Variants in ADAMTS19 observed in about 807,000 individuals in gnomAD.
ADAMTS19 encodes A disintegrin and metalloproteinase with thrombospondin motifs 19.
A neutral mutation model predicts 153.3 loss-of-function variants in ADAMTS19; 93 were observed. That is an observed-to-expected ratio of 0.61 (90% CI 0.51 to 0.72). The LOEUF (loss-of-function observed/expected upper bound fraction) is 0.72, where lower values mean the gene tolerates loss of function less well. ADAMTS19 is among the 30% of genes least tolerant of loss of function. The probability of loss-of-function intolerance (pLI) is 0.00; values close to 1 mark genes in which losing one functional copy is unlikely to be tolerated. For missense variants in ADAMTS19, 1,482 were observed against 1,552.1 expected (o/e 0.95, Z 0.76); for synonymous variants, 600 against 556.6 (o/e 1.08, Z -1.10).
At chr5:129,533,378 T>C (rs183904843) in intron 6 of ADAMTS19, among the ~76,000 whole-genome samples, 3 of 152,328 alleles carry the variant, frequency 2.0e-5, no homozygotes, top group Admixed American at 6.5e-5. Context: ...AGTTTTACCA[T>C]AATAAAGTTG....
intron 7 of ADAMTS19, among the ~76,000 whole-genome samples, chr5:129,578,905 T>C (rs1390975365): frequency 2.0e-5 from 3 of 152,180 alleles, no homozygotes; most frequent in Admixed American, 6.5e-5. Flanking sequence ...TATACATACG[T>C]GTGCATGTGT....
At chr5:129,465,306 GTTTT>G (rs61242834) in intron 2 of ADAMTS19, among the ~76,000 whole-genome samples, 1 of 126,008 alleles carries the variant, frequency 7.9e-6, no homozygotes, top group Admixed American at 8.2e-5. Context: ...TTAACACAAT[GTTTT>G]TTTTTTTTTT....
intron 2 of ADAMTS19, among the ~76,000 whole-genome samples, chr5:129,501,533 G>T (rs1338192327): frequency 2.6e-5 from 4 of 152,072 alleles, no homozygotes; most frequent in African/African-American, 9.7e-5. Flanking sequence ...TTTTAAAGAT[G>T]AGGATTTTTT....
intron 8 of ADAMTS19, among the ~76,000 whole-genome samples, chr5:129,614,864 A>G (rs2126963875): frequency 6.6e-6 from 1 of 152,284 alleles, no homozygotes; most frequent in South Asian, 2.1e-4. Flanking sequence ...CAATGTGCAA[A>G]AATCACAAGC....
At chr5:129,719,079 G>GT (rs1048826612) in intron 21 of ADAMTS19, among the ~76,000 whole-genome samples, 32 of 150,922 alleles carry the variant, frequency 2.1e-4, no homozygotes, top group South Asian at 1.3e-3. Flanking sequence ...GCACTGAAAT[G>GT]TTTTTTTTTC....
At chr5:129,509,470 A>G (rs928820618) in intron 3 of ADAMTS19, among the ~76,000 whole-genome samples, 1 of 152,016 alleles carries the variant, frequency 6.6e-6, no homozygotes, top group African/African-American at 2.4e-5. Flanking sequence ...TGAACATATA[A>G]TATATCCTAT....
intron 21 of ADAMTS19, among the ~76,000 whole-genome samples, chr5:129,724,410 A>G (rs1757123442): frequency 6.6e-6 from 1 of 152,104 alleles, no homozygotes; most frequent in Non-Finnish European, 1.5e-5. Context: ...GGTGTGTTCT[A>G]TTGTTACCAG....
At chr5:129,468,733 T>A (rs1424476088) in intron 2 of ADAMTS19, among the ~76,000 whole-genome samples, 2 of 152,152 alleles carry the variant, frequency 1.3e-5, no homozygotes, top group African/African-American at 4.8e-5. Context: ...TATTTTTTAT[T>A]CTCATTTCCT....
At chr5:129,522,299 G>GTATATATATA (rs1182437821) in intron 3 of ADAMTS19, among the ~76,000 whole-genome samples, 11 of 97,698 alleles carry the variant, frequency 1.1e-4, no homozygotes, top group South Asian at 9.7e-4. Context: ...GTGTGTGTGT[G>GTATATATATA]TATATATATA....
intron 18 of ADAMTS19, among the ~76,000 whole-genome samples, chr5:129,692,318 G>A (rs1017285445): frequency 6.6e-6 from 1 of 151,750 alleles, no homozygotes; most frequent in East Asian, 1.9e-4. Flanking sequence ...ATCTTACCTC[G>A]TGATGCCTGT....
At chr5:129,625,510 C>G (rs1248024268) in intron 10 of ADAMTS19, among the ~76,000 whole-genome samples, 1 of 152,140 alleles carries the variant, frequency 6.6e-6, no homozygotes, top group East Asian at 1.9e-4. Context: ...TGTTTCCTTA[C>G]TTTTTAATGA....
chr5:129,687,447 A>G (rs1003957997), intron 18 of ADAMTS19, among the ~76,000 whole-genome samples: 3 of 152,196 alleles, frequency 2.0e-5, no homozygotes, highest in Non-Finnish European at 2.9e-5. Context: ...TCAGTCTTCA[A>G]TTTTAAAAAG....
At chr5:129,708,590 C>CAAAAGA (rs1756279953) in intron 21 of ADAMTS19, among the ~76,000 whole-genome samples, 1 of 61,820 alleles carries the variant, frequency 1.6e-5, no homozygotes, top group African/African-American at 6.1e-5. Flanking sequence ...AGCAGAGAAG[C>CAAAAGA]AAAAAAAAAA....
chr5:129,556,256 AT>A (rs932849413), intron 7 of ADAMTS19, among the ~76,000 whole-genome samples: 1 of 152,164 alleles, frequency 6.6e-6, no homozygotes, highest in Non-Finnish European at 1.5e-5. Flanking sequence ...ACATATGTGC[AT>A]TTTCCTTTTA....
chr5:129,699,979 A>G (rs1755755504), intron 19 of ADAMTS19, among the ~76,000 whole-genome samples: 1 of 152,172 alleles, frequency 6.6e-6, no homozygotes, highest in Non-Finnish European at 1.5e-5. Flanking sequence ...GTGCACAGCT[A>G]ATAAGGTACC....
intron 2 of ADAMTS19, among the ~76,000 whole-genome samples, chr5:129,483,398 C>A (rs1027708774): frequency 4.6e-5 from 7 of 152,120 alleles, no homozygotes; most frequent in African/African-American, 1.7e-4. Flanking sequence ...GTTTCTCAAC[C>A]TAAGTACTAA....
intron 2 of ADAMTS19, among the ~76,000 whole-genome samples, chr5:129,501,129 T>C (rs1412910984): frequency 2.6e-5 from 4 of 152,168 alleles, no homozygotes; most frequent in Non-Finnish European, 4.4e-5. Context: ...TTAAACCATA[T>C]TTTTATGTTC....
intron 8 of ADAMTS19, among the ~76,000 whole-genome samples, chr5:129,618,477 A>T (rs1338883727): frequency 6.6e-6 from 1 of 152,006 alleles, no homozygotes; most frequent in Non-Finnish European, 1.5e-5. Context: ...AATGATATGG[A>T]TGGAATTTAT....
chr5:129,602,580 C>T lies in ADAMTS19; in HGVS notation c.1478+5916C>T, dbSNP rs77986746. On this transcript the variant is annotated intron_variant, in intron 8 of 22. Transcript: ENST00000274487. Reference sequence around the variant, plus strand: ...GTCATTTTACAGATGAGAAAATAAACTAATAGAGATTCATTTTTCAGTTTA... The same window carrying T: ...GTCATTTTACAGATGAGAAAATAAATTAATAGAGATTCATTTTTCAGTTTA... Among the ~76,000 whole-genome samples, 656 of 152,146 alleles carry T rather than the reference C, an allele frequency of 4.3e-3. 4 individuals carry two copies. Among genetic ancestry groups the T allele is most frequent in the East Asian group, 0.025 (132 of 5,184 alleles).
Sources: allele counts gnomAD v4.1 joint callset (sites outside exome capture counted in the v4.1 genomes callset), GRCh38; gene constraint gnomAD v4.1.1; transcripts MANE v1.5; gene names NCBI Gene and HGNC (gene_info 2026-07-23, HGNC 2026-07-21).